Variants in MRTFB observed in about 807,000 individuals in gnomAD.
MRTFB encodes myocardin-related transcription factor B.
In MRTFB, 29 loss-of-function variants were observed where a neutral mutation model predicts 104.2. The observed-to-expected ratio is 0.28, with a 90% CI of 0.21 to 0.38. The LOEUF (loss-of-function observed/expected upper bound fraction) is 0.38. Ranked by LOEUF, MRTFB falls within the 10% of genes least tolerant of loss-of-function variation. The pLI, the probability that MRTFB is intolerant of heterozygous loss-of-function variation, is 1.00. For missense variants in MRTFB, 1,270 were observed against 1,341.6 expected (o/e 0.95, Z 0.83); for synonymous variants, 535 against 519.5 (o/e 1.03, Z -0.41).
At chr16:14,198,545 G>T (rs1184109950) in intron 3 of MRTFB, among the ~76,000 whole-genome samples, 1 of 152,176 alleles carries the variant, frequency 6.6e-6, no homozygotes, top group Non-Finnish European at 1.5e-5. Flanking sequence ...CCTGGCTGTT[G>T]CCTTTACTAG....
the MRTFB span, among the ~76,000 whole-genome samples, chr16:13,999,963 C>T: frequency 6.6e-6 from 1 of 152,134 alleles, no homozygotes; most frequent in Non-Finnish European, 1.5e-5. Context: ...TAAATGGTCT[C>T]GCCTCCCCCT....
intron 14 of MRTFB, 22 bp from the exon 15 acceptor site, chr16:14,252,343 A>G: frequency 6.2e-7 from 1 of 1,608,914 alleles, no homozygotes; most frequent in African/African-American, 1.3e-5. Flanking sequence ...GGTAATGTGC[A>G]CTCCTCCTTT....
At chr16:14,061,283 T>A in the MRTFB span, among the ~76,000 whole-genome samples, 1,905 of 152,330 alleles carry the variant, frequency 0.013, 42 homozygotes, top group African/African-American at 0.043. Context: ...CACAGAGCTC[T>A]GGCCCAGAAG....
intron 8 of MRTFB, among the ~76,000 whole-genome samples, chr16:14,225,337 A>G (rs2041951737): frequency 6.6e-6 from 1 of 152,250 alleles, no homozygotes; most frequent in Non-Finnish European, 1.5e-5. Context: ...GTATATAACA[A>G]CGTAGTTTGT....
At chr16:14,156,476 A>C in intron 3 of MRTFB, among the ~76,000 whole-genome samples, 1 of 152,218 alleles carries the variant, frequency 6.6e-6, no homozygotes, top group East Asian at 1.9e-4. Flanking sequence ...GCTAATAGTT[A>C]TGGTTGGTTC....
At chr16:14,198,114 T>C (rs547924429) in intron 3 of MRTFB, among the ~76,000 whole-genome samples, 58 of 152,368 alleles carry the variant, frequency 3.8e-4, no homozygotes, top group African/African-American at 1.3e-3. Flanking sequence ...TGACTTCTTT[T>C]CCTTGTAATG....
chr16:14,006,372 T>C, the MRTFB span, among the ~76,000 whole-genome samples: 2 of 150,658 alleles, frequency 1.3e-5, no homozygotes, highest in African/African-American at 4.9e-5. Context: ...AAAAATTAGC[T>C]GGTTGTGGTA....
At chr16:14,238,261 T>C (rs1208430661) in intron 9 of MRTFB, among the ~76,000 whole-genome samples, 1 of 152,014 alleles carries the variant, frequency 6.6e-6, no homozygotes, top group African/African-American at 2.4e-5. Flanking sequence ...AAAACATCAG[T>C]AGAGACACTG....
intron 2 of MRTFB, among the ~76,000 whole-genome samples, chr16:14,081,534 C>G (rs962724698): frequency 6.6e-6 from 1 of 152,134 alleles, no homozygotes; most frequent in Non-Finnish European, 1.5e-5. Flanking sequence ...CTCCGATGAT[C>G]CACCCGCCTC....
intron 2 of MRTFB, among the ~76,000 whole-genome samples, chr16:14,127,929 A>ATATATATATAT (rs1393344981): frequency 3.4e-4 from 15 of 44,622 alleles, no homozygotes; most frequent in Non-Finnish European, 4.6e-4. Flanking sequence ...ATATATATAT[A>ATATATATATAT]TTTTTTTTTT....
intron 3 of MRTFB, among the ~76,000 whole-genome samples, chr16:14,163,131 G>T (rs2039103815): frequency 6.6e-6 from 1 of 152,240 alleles, no homozygotes; most frequent in South Asian, 2.1e-4. Flanking sequence ...AGATTTATTT[G>T]CAGTTCTTTT....
intron 2 of MRTFB, among the ~76,000 whole-genome samples, chr16:14,136,937 G>T (rs1269774646): frequency 6.6e-6 from 1 of 152,126 alleles, no homozygotes; most frequent in Non-Finnish European, 1.5e-5. Context: ...ATTGGGATTT[G>T]TAAGATAGTA....
chr16:14,013,990 C>T, the MRTFB span, among the ~76,000 whole-genome samples: 1 of 152,166 alleles, frequency 6.6e-6, no homozygotes, highest in African/African-American at 2.4e-5. Context: ...CGGTACTCAA[C>T]CCCATTTCAA....
At chr16:14,121,546 T>G (rs2036844588) in intron 2 of MRTFB, among the ~76,000 whole-genome samples, 1 of 152,202 alleles carries the variant, frequency 6.6e-6, no homozygotes, top group Non-Finnish European at 1.5e-5. Context: ...GACTACTACT[T>G]AGATTGTTAA....
chr16:14,232,583 T>G (rs554329304), intron 8 of MRTFB, among the ~76,000 whole-genome samples: 1 of 152,242 alleles, frequency 6.6e-6, no homozygotes, highest in South Asian at 2.1e-4. Flanking sequence ...TTGTCAACAC[T>G]CACAGTTACT....
At chr16:14,084,951 A>G (rs1172076784) in intron 2 of MRTFB, among the ~76,000 whole-genome samples, 2 of 152,240 alleles carry the variant, frequency 1.3e-5, no homozygotes, top group South Asian at 2.1e-4. Flanking sequence ...CAGCGTAGGC[A>G]ATATAGTGAG....
the MRTFB span, among the ~76,000 whole-genome samples, chr16:14,036,296 TTATATATATA>T: frequency 1.2e-3 from 114 of 98,316 alleles, 2 homozygotes; most frequent in Non-Finnish European, 1.9e-3. Flanking sequence ...TTATATATAT[TTATATATATA>T]TATATATATA....
chr16:14,205,713 G>A (rs2040911131), intron 3 of MRTFB, among the ~76,000 whole-genome samples: 1 of 152,184 alleles, frequency 6.6e-6, no homozygotes. Context: ...TACACACTCA[G>A]TGTTTTGAAC....
intron 3 of MRTFB, among the ~76,000 whole-genome samples, chr16:14,147,723 G>A (rs1333164172): frequency 6.6e-6 from 1 of 152,148 alleles, no homozygotes; most frequent in Non-Finnish European, 1.5e-5. Context: ...TGAGGGGGTG[G>A]ATGAAGCTTT....
Sources: allele counts gnomAD v4.1 joint callset (sites outside exome capture counted in the v4.1 genomes callset), GRCh38; gene constraint gnomAD v4.1.1; transcripts MANE v1.5; gene names NCBI Gene and HGNC (gene_info 2026-07-23, HGNC 2026-07-21).